The following ABAT variants were observed in gnomAD, a reference collection of about 807,000 sequenced individuals.
ABAT encodes 4-aminobutyrate aminotransferase, mitochondrial.
In ABAT, 45 loss-of-function variants were observed where a neutral mutation model predicts 64.6. The observed-to-expected ratio is 0.70, with a 90% CI of 0.55 to 0.89. ABAT has a LOEUF of 0.89. ABAT is among the 40% of genes least tolerant of loss of function. ABAT has a pLI of 0.00. For missense variants in ABAT, 633 were observed against 658.4 expected (o/e 0.96, Z 0.42); for synonymous variants, 297 against 250.5 (o/e 1.19, Z -1.75).
At chr16:8,682,868 A>G (rs1392886207) in intron 1 of ABAT, among the ~76,000 whole-genome samples, 1 of 152,180 alleles carries the variant, frequency 6.6e-6, no homozygotes, top group Non-Finnish European at 1.5e-5. Context: ...CCAGAACTAC[A>G]GAATGTGAAT....
intron 1 of ABAT, among the ~76,000 whole-genome samples, chr16:8,699,592 C>T (rs1025829074): frequency 1.3e-5 from 2 of 152,090 alleles, no homozygotes; most frequent in Non-Finnish European, 2.9e-5. Context: ...AACAGGACCT[C>T]ACTCTGTCAC....
intron 1 of ABAT, among the ~76,000 whole-genome samples, chr16:8,730,544 C>CAG (rs1000067313): frequency 3.9e-4 from 59 of 152,262 alleles, no homozygotes; most frequent in Admixed American, 4.6e-4. Flanking sequence ...GCCTCCCCTC[C>CAG]AGCTGTGGGA....
chr16:8,779,460 T>G lies in ABAT; in HGVS notation c.1270-19T>G, dbSNP rs751294891. On this transcript the variant is annotated intron_variant, in intron 14 of 15. Transcript: ENST00000268251. ...CAGGTGATGGGCTTTGACGCCAGCCTTGTCTCCTCCCACTACAGGCCCGGT... is the reference window on the plus strand; with the variant it reads ...CAGGTGATGGGCTTTGACGCCAGCCGTGTCTCCTCCCACTACAGGCCCGGT... 3 of 1,609,116 alleles carry G rather than the reference T, an allele frequency of 1.9e-6. No homozygotes were observed. The Admixed American group carries it at 5.0e-5, about 27-fold the overall frequency.
chr16:8,725,274 T>C (rs2058515580), intron 1 of ABAT, among the ~76,000 whole-genome samples: 1 of 152,196 alleles, frequency 6.6e-6, no homozygotes, highest in Non-Finnish European at 1.5e-5. Flanking sequence ...ACTCAGACCC[T>C]TTTAGAACAT....
At chr16:8,689,964 A>G (rs1278556276) in intron 1 of ABAT, among the ~76,000 whole-genome samples, 1 of 152,204 alleles carries the variant, frequency 6.6e-6, no homozygotes, top group African/African-American at 2.4e-5. Context: ...TATCCTAAGA[A>G]CAATAACAAG....
intron 1 of ABAT, among the ~76,000 whole-genome samples, chr16:8,733,415 C>A (rs1236672606): frequency 6.6e-6 from 1 of 151,786 alleles, no homozygotes; most frequent in East Asian, 1.9e-4. Context: ...ACGCTCCTCA[C>A]TTCCCAGACG....
At chr16:8,687,043 G>A (rs74009749) in intron 1 of ABAT, among the ~76,000 whole-genome samples, 3,694 of 152,190 alleles carry the variant, frequency 0.024, 149 homozygotes, top group African/African-American at 0.084. Context: ...AACCACTCCC[G>A]GATCATAGGT....
Position 8,776,449 on chromosome 16 carries a change from C to A in ABAT, c.1228C>A (p.His410Asn). Reference sequence around the variant, plus strand: ...GGAGGACCTGCTAAATAATGCAGCCCATGCCGGGAAGGCCCTGCTCACAGG... The same window carrying A: ...GGAGGACCTGCTAAATAATGCAGCCAATGCCGGGAAGGCCCTGCTCACAGG... ...KREDLLNNAA[H>N]AGKALLTGLL... Residue 410 changes from histidine to asparagine, a missense_variant, in exon 14 of 16, where the codon CAT becomes AAT. His to Asn is a moderately conservative substitution (Grantham distance 68, BLOSUM62 1). Transcript: ENST00000268251. This position sits in a 1 kb window ranked among gnomAD's most constrained non-coding sequence, Gnocchi z 4.4. The A allele has an allele frequency of 6.2e-7, 1 of 1,614,194 alleles. No individual in the cohort carries two copies. The highest frequency in any genetic ancestry group is 8.5e-7 in the Non-Finnish European group (1 of 1,180,038).
chr16:8,774,984 C>T lies in ABAT; in HGVS notation c.1049C>T (p.Ala350Val). Residue 350 changes from alanine (A) to valine (V), a missense_variant, in exon 13 of 16, where the codon GCA becomes GTA. Coordinates refer to ENST00000268251, the MANE Select transcript of ABAT (RefSeq NM_020686.6). ...GAGCACTGGGGCCTGGATGACCCAG[C>T]AGACGTGATGACCTTCAGCAAGAAG... is the stretch of plus-strand genomic sequence containing the variant. Reference protein sequence around the residue: ...AHEHWGLDDPADVMTFSKKMM... With the variant: ...AHEHWGLDDPVDVMTFSKKMM... The T allele has an allele frequency of 1.2e-6, 2 of 1,614,202 alleles. No individual in the cohort carries two copies. Among genetic ancestry groups the T allele is most frequent in the Non-Finnish European group, 1.7e-6 (2 of 1,180,038 alleles).
At chr16:8,765,102 C>G (rs889949710) in intron 8 of ABAT, among the ~76,000 whole-genome samples, 1 of 152,120 alleles carries the variant, frequency 6.6e-6, no homozygotes, top group African/African-American at 2.4e-5. Flanking sequence ...GAGGCAAAGG[C>G]GGGCAGATCA....
At position 8,768,871 on chromosome 16, in the gene ABAT, C is replaced by T. The variant is rs1156474971; in HGVS notation, c.714C>T (p.Ile238=). ...CTAAAGCCATTCACAAGATCGACAT[C>T]CCTTCCTTTGACTGGCCCATCGCAC... ...THSKAIHKID[I]PSFDWPIAPF... Residue 238 remains isoleucine (I), a synonymous_variant, in exon 11 of 16, where the codon ATC becomes ATT. Transcript: ENST00000268251. 3 of 1,614,214 alleles carry T rather than the reference C, an allele frequency of 1.9e-6. No individual in the cohort carries two copies. The highest frequency in any genetic ancestry group is 8.5e-7 in the Non-Finnish European group (1 of 1,180,034).
rs879821572 is a variant in ABAT at position 8,732,343 on chromosome 16, G to T, written c.-41-3356G>T. Among the ~76,000 whole-genome samples, 7 of 150,716 alleles carry T rather than the reference G, an allele frequency of 4.6e-5. No homozygotes were observed. In the East Asian group the frequency reaches 1.4e-3, roughly 29 times the overall value. On this transcript the variant is annotated intron_variant, in intron 1 of 15. Transcript: ENST00000268251. ...ATAAACAAGTGAACAAAGGTCTCTG[G>T]TTTTCCTAGGCAGAGGACCCTGCGG...
At chr16:8,750,992 A>G (rs554365803) in intron 5 of ABAT, among the ~76,000 whole-genome samples, 1 of 135,384 alleles carries the variant, frequency 7.4e-6, no homozygotes, top group Non-Finnish European at 1.5e-5. Flanking sequence ...TCTGTCGACC[A>G]GGCGGGAGTG....
chr16:8,731,243 G>A (rs2058710704), intron 1 of ABAT, among the ~76,000 whole-genome samples: 1 of 152,198 alleles, frequency 6.6e-6, no homozygotes, highest in Non-Finnish European at 1.5e-5. Context: ...GATTACAGGA[G>A]TGAGCCACCC....
chr16:8,688,997 T>A (rs184176824), intron 1 of ABAT, among the ~76,000 whole-genome samples: 1 of 151,834 alleles, frequency 6.6e-6, no homozygotes, highest in South Asian at 2.1e-4. Flanking sequence ...GGAGAATCAC[T>A]TGAACCCAGA....
At position 8,783,652 on chromosome 16, in the gene ABAT, CCATTATT is replaced by C. The variant is rs2060487505; in HGVS notation, c.*2227_*2233del. On this transcript the variant is annotated 3_prime_UTR_variant, in exon 16 of 16. Coordinates refer to ENST00000268251, the MANE Select transcript of ABAT (RefSeq NM_020686.6). ...ACAAGCAAGCAAAATGCAAACCAAA[CCATTATT>C]CATTTATTGGCTTAAGTATGCTTTC... The C allele has an allele frequency of 6.6e-6, 1 of 152,168 alleles. No homozygotes were observed. Among genetic ancestry groups the C allele is most frequent in the Admixed American group, 6.5e-5 (1 of 15,284 alleles). 9.4% of individuals were successfully genotyped at this position (152,168 alleles called of 1,614,324 possible). A position where few individuals can be genotyped will look rare whatever the true frequency, so the allele number is the denominator to read the frequency against.
Position 8,768,852 on chromosome 16 carries a change from C to A in ABAT, c.695C>A (p.Ala232Asp). The A allele has an allele frequency of 1.2e-6, 2 of 1,614,202 alleles. No homozygotes were observed. The highest frequency in any genetic ancestry group is 1.7e-6 in the Non-Finnish European group (2 of 1,180,034). ...MGCLATTHSK[A>D]IHKIDIPSFD... ...TGCTTAGCGACCACGCACTCTAAAG[C>A]CATTCACAAGATCGACATCCCTTCC... is the stretch of plus-strand genomic sequence containing the variant. The change falls in exon 11 of 16, where the codon GCC becomes GAC. Residue 232 changes from alanine (A) to aspartate (D), a missense_variant. Ala to Asp is a moderately radical substitution (Grantham distance 126, BLOSUM62 -2). Transcript: ENST00000268251.
At chr16:8,693,042 A>G (rs1486891029) in intron 1 of ABAT, among the ~76,000 whole-genome samples, 1 of 151,830 alleles carries the variant, frequency 6.6e-6, no homozygotes, top group African/African-American at 2.4e-5. Context: ...TTAGTAGAGA[A>G]TGGGGTTTTA....
chr16:8,738,544 G>T (rs75563637), intron 2 of ABAT: 4,780 of 425,994 alleles, frequency 0.011, 211 homozygotes, highest in African/African-American at 0.087. Context: ...TTCTCGACCT[G>T]GGTGGTTTTA....
Sources: gnomAD v4.1 joint callset for allele counts (sites outside exome capture counted in the v4.1 genomes callset) on GRCh38, gnomAD v4.1.1 for gene constraint, Gnocchi (gnomAD v3.1) non-coding constraint, MANE v1.5 for transcripts, NCBI Gene and HGNC (gene_info 2026-07-23, HGNC 2026-07-21) for gene names.